The following GRIK2 variants were observed in gnomAD, a reference collection of about 807,000 sequenced individuals.
The protein encoded by GRIK2 is glutamate receptor ionotropic, kainate 2.
Under a neutral mutation model 100.3 loss-of-function variants are expected in GRIK2, and 32 were observed. The observed-to-expected ratio is 0.32, with a 90% confidence interval of 0.24 to 0.43. GRIK2 has a LOEUF of 0.43. Ranked by LOEUF, GRIK2 falls within the 20% of genes least tolerant of loss-of-function variation. The pLI is 1.00. For missense variants in GRIK2, 843 were observed against 1,114.9 expected (o/e 0.76, Z 3.47); for synonymous variants, 417 against 389.4 (o/e 1.07, Z -0.83).
intron 16 of GRIK2, among the ~76,000 whole-genome samples, chr6:102,067,550 T>G (rs1474039789): frequency 6.6e-6 from 1 of 151,730 alleles, no homozygotes; most frequent in African/African-American, 2.4e-5. Context: ...CAATATAAAT[T>G]TTGAGGAGCT....
intron 2 of GRIK2, among the ~76,000 whole-genome samples, chr6:101,506,518 T>C (rs904269777): frequency 4.6e-5 from 7 of 152,152 alleles, no homozygotes; most frequent in Admixed American, 2.0e-4. Context: ...ACTCATGGAT[T>C]TGACTTTATG....
Position 102,068,592 on chromosome 6 carries a change from C to CA in GRIK2, c.*83dup. The CA allele has an allele frequency of 8.2e-7, 1 of 1,214,626 alleles. No individual in the cohort carries two copies. The highest frequency in any genetic ancestry group is 1.2e-6 in the Non-Finnish European group (1 of 852,744). The allele number at this position is 1,214,626 out of a possible 1,614,324, so 75.2% of individuals were successfully genotyped here. Reference sequence around the variant, plus strand: ...CCAGAATGTTTCCTGTGGAAATATGCAACCTGTGCAAAATAAAATGAGTTA... The same window carrying CA: ...CCAGAATGTTTCCTGTGGAAATATGCAAACCTGTGCAAAATAAAATGAGTTA... On this transcript the variant is annotated 3_prime_UTR_variant, in exon 17 of 17. Coordinates refer to ENST00000369134, the MANE Select transcript of GRIK2 (RefSeq NM_021956.5).
Position 101,859,379 on chromosome 6 carries a change from A to G in GRIK2, c.1410A>G (p.Leu470=), listed in dbSNP as rs1042860297. Residue 470 remains leucine, a synonymous_variant, in exon 11 of 17, where the codon TTA becomes TTG. Coordinates refer to ENST00000369134, the MANE Select transcript of GRIK2 (RefSeq NM_021956.5). ...ATTGCATTGATCTCCTCAGAGAGTT[A>G]TCTACAATCCTTGGCTTTACATATG... is the stretch of plus-strand genomic sequence containing the variant. ...EGYCIDLLRE[L]STILGFTYEI... is the part of the protein sequence containing the mutation. 1.4e-5 allele frequency: 22 copies of G among 1,601,324 alleles called. No individual in the cohort carries two copies. The highest frequency in any genetic ancestry group is 1.9e-5 in the Non-Finnish European group (22 of 1,168,594).
chr6:101,794,954 C>T (rs923247882), intron 7 of GRIK2, among the ~76,000 whole-genome samples: 4 of 151,742 alleles, frequency 2.6e-5, no homozygotes, highest in Admixed American at 2.6e-4. Flanking sequence ...CAACTTCTGC[C>T]TCCCGGGTTC....
chr6:102,041,799 TA>T (rs36035681), intron 15 of GRIK2, among the ~76,000 whole-genome samples: 41,759 of 148,564 alleles, frequency 0.28, 5,841 homozygotes, highest in East Asian at 0.31. Context: ...TTTAGAAAAT[TA>T]AAAAAAAAAA....
intron 2 of GRIK2, among the ~76,000 whole-genome samples, chr6:101,483,187 A>G (rs370822592): frequency 6.6e-6 from 1 of 152,156 alleles, no homozygotes; most frequent in East Asian, 1.9e-4. Context: ...CATAGATTTG[A>G]ACCAATACAG....
intron 2 of GRIK2, among the ~76,000 whole-genome samples, chr6:101,465,282 CT>C (rs1368866045): frequency 3.9e-5 from 6 of 152,074 alleles, no homozygotes; most frequent in African/African-American, 1.4e-4. Flanking sequence ...CCTTCCCATC[CT>C]TCCAAGTCTC....
chr6:101,792,752 C>A (rs1029941464), intron 7 of GRIK2, among the ~76,000 whole-genome samples: 2 of 152,040 alleles, frequency 1.3e-5, no homozygotes, highest in African/African-American at 4.8e-5. Context: ...TGAATGTTGG[C>A]CTGCCTTGCT....
chr6:101,407,627 A>G (rs1267625204), intron 2 of GRIK2, among the ~76,000 whole-genome samples: 2 of 151,862 alleles, frequency 1.3e-5, no homozygotes, highest in Non-Finnish European at 2.9e-5. Context: ...TAGCTCTATC[A>G]GCCTCTTGCA....
intron 4 of GRIK2, among the ~76,000 whole-genome samples, chr6:101,630,697 C>T (rs891101726): frequency 6.6e-6 from 1 of 152,002 alleles, no homozygotes; most frequent in Non-Finnish European, 1.5e-5. Context: ...TTGTCAGCTT[C>T]TCAAAAGAGC....
At chr6:101,663,861 G>A (rs1014898193) in intron 4 of GRIK2, among the ~76,000 whole-genome samples, 13 of 152,104 alleles carry the variant, frequency 8.5e-5, no homozygotes, top group African/African-American at 2.7e-4. Context: ...GATGCCATTC[G>A]GTAGGCATCT....
chr6:101,719,276 G>A lies in GRIK2; in HGVS notation c.951+32923G>A, dbSNP rs184813537. Among the ~76,000 whole-genome samples the A allele has an allele frequency of 1.5e-4, 23 of 149,638 alleles. 1 individual carries two copies. In the East Asian group the frequency reaches 4.2e-3, roughly 28 times the overall value. On this transcript the variant is annotated intron_variant, in intron 7 of 16. Transcript: ENST00000369134. ...GGGGAAAGTAGCAAGCACATTTTCT[G>A]CAGGCCCATTGGTTGCTGTTTTGCT...
intron 2 of GRIK2, among the ~76,000 whole-genome samples, chr6:101,574,512 A>G (rs999309412): frequency 4.0e-5 from 6 of 151,116 alleles, no homozygotes; most frequent in Non-Finnish European, 8.9e-5. Context: ...GAAGAGTTCT[A>G]TACCCAATTT....
intron 2 of GRIK2, among the ~76,000 whole-genome samples, chr6:101,402,342 G>T (rs1430396220): frequency 6.6e-6 from 1 of 152,176 alleles, no homozygotes; most frequent in Non-Finnish European, 1.5e-5. Flanking sequence ...GCACAGTGAC[G>T]TCTCTCTAGT....
At chr6:101,972,621 C>CA (rs200860673) in intron 14 of GRIK2, among the ~76,000 whole-genome samples, 2,454 of 148,146 alleles carry the variant, frequency 0.017, 83 homozygotes, top group African/African-American at 0.06. Context: ...GGGACTTGGC[C>CA]AAAATTATTT....
At chr6:101,787,627 T>C (rs901689561) in intron 7 of GRIK2, among the ~76,000 whole-genome samples, 23 of 152,150 alleles carry the variant, frequency 1.5e-4, no homozygotes, top group Admixed American at 5.9e-4. Context: ...CTTCTTGTTA[T>C]TGATTTCTAT....
chr6:101,407,512 G>A (rs985874271), intron 2 of GRIK2, among the ~76,000 whole-genome samples: 6 of 151,942 alleles, frequency 3.9e-5, no homozygotes, highest in African/African-American at 1.5e-4. Context: ...AAAGAAATCT[G>A]GTAGCTCCCC....
At chr6:101,665,198 C>T (rs1397571066) in intron 4 of GRIK2, among the ~76,000 whole-genome samples, 1 of 152,190 alleles carries the variant, frequency 6.6e-6, no homozygotes, top group East Asian at 1.9e-4. Context: ...CAGCCTCAAT[C>T]ATATGATGGG....
In GRIK2 at chr6:102,042,357, A is replaced by AAAT. The variant is rs575960178; in HGVS notation, c.2311+6793_2311+6795dup. 1.5e-4 allele frequency among the ~76,000 whole-genome samples: 23 copies of AAAT among 151,788 alleles called. No individual in the cohort carries two copies. The South Asian group carries it at 4.6e-3, about 30-fold the overall frequency. ...TTAGCTCTGTAAAATAATGAACATA[A>AAAT]AATATAAACATAAATCATCTTTCTT... On this transcript the variant is annotated intron_variant, in intron 15 of 16. Coordinates refer to ENST00000369134, the MANE Select transcript of GRIK2 (RefSeq NM_021956.5).
Sources: allele counts gnomAD v4.1 joint callset (sites outside exome capture counted in the v4.1 genomes callset), GRCh38; gene constraint gnomAD v4.1.1; transcripts MANE v1.5; gene names NCBI Gene and HGNC (gene_info 2026-07-23, HGNC 2026-07-21).